Variants in TBXAS1 observed in about 807,000 individuals in gnomAD.
The protein encoded by TBXAS1 is thromboxane A synthase 1, also known as thromboxane-A synthase.
Under a neutral mutation model 60.7 loss-of-function variants are expected in TBXAS1, and 48 were observed. The observed-to-expected ratio is 0.79, with a 90% confidence interval of 0.63 to 1.01. The LOEUF (loss-of-function observed/expected upper bound fraction) is 1.01. TBXAS1 is among the 50% of genes least tolerant of loss of function. The pLI, the probability that TBXAS1 is intolerant of heterozygous loss-of-function variation, is 0.00. For synonymous variants in TBXAS1, 287 were observed against 269.7 expected (o/e 1.06, Z -0.63); for missense variants, 685 against 686.3 (o/e 1.00, Z 0.02).
chr7:139,817,905 C>T (rs1490554342), intron 4 of TBXAS1, among the ~76,000 whole-genome samples: 1 of 152,200 alleles, frequency 6.6e-6, no homozygotes. Flanking sequence ...AGTGGTGCCA[C>T]CTACCTTCAT....
intron 4 of TBXAS1, among the ~76,000 whole-genome samples, chr7:139,791,566 G>A (rs568734469): frequency 1.8e-4 from 27 of 152,202 alleles, no homozygotes; most frequent in Non-Finnish European, 3.2e-4. Context: ...TGGCCAAGGG[G>A]AAGTGTCCGT....
intron 9 of TBXAS1, among the ~76,000 whole-genome samples, chr7:139,992,820 CCT>C (rs1378551102): frequency 3.9e-5 from 6 of 152,208 alleles, no homozygotes; most frequent in African/African-American, 1.4e-4. Context: ...AAGGCATCTC[CCT>C]CTCAGAGTTA....
At position 139,936,315 on chromosome 7, in the gene TBXAS1, A is replaced by G. The variant is rs1471495211; in HGVS notation, c.450+8A>G. The G allele has an allele frequency of 1.2e-6, 2 of 1,613,272 alleles. No individual in the cohort carries two copies. The highest frequency in any genetic ancestry group is 1.7e-6 in the Non-Finnish European group (2 of 1,179,220). On this transcript the variant is annotated splice_region_variant and intron_variant, in intron 5 of 12. Coordinates refer to ENST00000448866, the MANE Select transcript of TBXAS1 (RefSeq NM_001061.7). Reference sequence around the variant, plus strand: ...CCTGAAAAGCTGAACGAGGTAAGACATGAGAAATGCAAACTCTCTTCTCTT... The same window carrying G: ...CCTGAAAAGCTGAACGAGGTAAGACGTGAGAAATGCAAACTCTCTTCTCTT...
chr7:139,882,420 T>C (rs1437455669), intron 3 of TBXAS1, among the ~76,000 whole-genome samples: 1 of 152,222 alleles, frequency 6.6e-6, no homozygotes, highest in East Asian at 1.9e-4. Context: ...TAAACTGGAC[T>C]GAGCTCAGTA....
At chr7:139,923,161 A>AATATATATATATATAT (rs147721420) in intron 4 of TBXAS1, among the ~76,000 whole-genome samples, 1 of 150,250 alleles carries the variant, frequency 6.7e-6, no homozygotes. Flanking sequence ...CTACTAAACA[A>AATATATATATATATAT]ATATATATAT....
At position 140,004,543 on chromosome 7, in the gene TBXAS1, T is replaced by C. The variant is rs1040287571; in HGVS notation, c.1135-2548T>C. Among the ~76,000 whole-genome samples, 1 of 152,176 alleles carries C rather than the reference T, an allele frequency of 6.6e-6. No homozygotes were observed. The highest frequency in any genetic ancestry group is 1.5e-5 in the Non-Finnish European group (1 of 68,024). Reference sequence around the variant, plus strand: ...CAAACACAAACCAAACTCATAAAGATTGGAAGCAGGAAGACAAGTTGCCTC... The same window carrying C: ...CAAACACAAACCAAACTCATAAAGACTGGAAGCAGGAAGACAAGTTGCCTC... On this transcript the variant is annotated intron_variant, in intron 9 of 12. Coordinates refer to ENST00000448866, the MANE Select transcript of TBXAS1 (RefSeq NM_001061.7). The surrounding 1 kb of genome is among the most constrained non-coding windows in gnomAD (Gnocchi z 5.1).
intron 1 of TBXAS1, among the ~76,000 whole-genome samples, chr7:139,842,393 G>C (rs1166501443): frequency 6.6e-6 from 1 of 152,146 alleles, no homozygotes; most frequent in East Asian, 1.9e-4. Flanking sequence ...ATGATTGAAT[G>C]AACTCTTCCC....
chr7:139,913,441 G>A (rs556454601), intron 4 of TBXAS1: 1 of 391,058 alleles, frequency 2.6e-6, no homozygotes, highest in Admixed American at 3.5e-5. Context: ...CATAGCACTT[G>A]AGACTGTCTG....
At chr7:139,933,205 A>G (rs1410654028) in intron 4 of TBXAS1, among the ~76,000 whole-genome samples, 1 of 152,226 alleles carries the variant, frequency 6.6e-6, no homozygotes, top group Non-Finnish European at 1.5e-5. Flanking sequence ...AAGATATGTG[A>G]AGGCCATGCT....
chr7:140,017,943 T>C, intron 12 of TBXAS1, 110 bp downstream of exon 12: 1 of 1,491,268 alleles, frequency 6.7e-7, no homozygotes, highest in African/African-American at 1.4e-5. Flanking sequence ...TCTGCCTCCG[T>C]GAGCTTGGGC....
chr7:139,979,708 A>G (rs1698986536), intron 9 of TBXAS1, among the ~76,000 whole-genome samples: 3 of 148,730 alleles, frequency 2.0e-5, no homozygotes, highest in African/African-American at 7.4e-5. Flanking sequence ...ATTCTGGGCA[A>G]CAGAGCAAGA....
chr7:139,859,551 T>C (rs1192682995), intron 1 of TBXAS1, among the ~76,000 whole-genome samples: 2 of 152,208 alleles, frequency 1.3e-5, no homozygotes, highest in Non-Finnish European at 2.9e-5. Context: ...TTTTCACTTA[T>C]GATCACGACA....
At chr7:139,791,315 G>A (rs1471821919) in intron 4 of TBXAS1, among the ~76,000 whole-genome samples, 1 of 152,220 alleles carries the variant, frequency 6.6e-6, no homozygotes, top group Non-Finnish European at 1.5e-5. Context: ...CAGGGACTTA[G>A]GCGTCCCCTA....
chr7:140,013,041 C>T lies in TBXAS1; in HGVS notation c.1227-2682C>T, dbSNP rs540788836. On this transcript the variant is annotated intron_variant, in intron 10 of 12. Transcript: ENST00000448866. The surrounding 1 kb of genome is among the most constrained non-coding windows in gnomAD (Gnocchi z 4.2). ...GGGCAAGATGAGTGAGCTGAGATCG[C>T]GCCACTGCACTCCAGCCTGGGCAAC... Among the ~76,000 whole-genome samples the T allele has an allele frequency of 2.7e-5, 4 of 149,706 alleles. No homozygotes were observed. Among genetic ancestry groups the T allele is most frequent in the Admixed American group, 6.7e-5 (1 of 14,980 alleles).
chr7:140,006,642 T>C (rs1814099964), intron 9 of TBXAS1, among the ~76,000 whole-genome samples: 2 of 152,232 alleles, frequency 1.3e-5, no homozygotes, highest in Admixed American at 1.3e-4. Context: ...GCTATTTCAC[T>C]ATTTGCCTTT....
chr7:139,842,675 A>AG (rs922920730), intron 1 of TBXAS1, among the ~76,000 whole-genome samples: 45 of 152,298 alleles, frequency 3.0e-4, no homozygotes, highest in Admixed American at 7.8e-4. Flanking sequence ...TGGATAGGGT[A>AG]GGGGGGTGTT....
Position 139,892,740 on chromosome 7 carries a change from T to C in TBXAS1, c.236+17103T>C, listed in dbSNP as rs2267687. Among the ~76,000 whole-genome samples the C allele has an allele frequency of 1.7e-3, 263 of 152,304 alleles. 7 individuals are homozygous for C. The East Asian group carries it at 0.043, about 25-fold the overall frequency. On this transcript the variant is annotated intron_variant, in intron 3 of 12. Transcript: ENST00000448866. ...CTGTCCAAGTATCAGGGATTCCAAC[T>C]GGGATTCCACTGCTCCTTGGTGTTC...
intron 1 of TBXAS1, among the ~76,000 whole-genome samples, chr7:139,856,091 C>A (rs915776399): frequency 6.6e-6 from 1 of 152,144 alleles, no homozygotes; most frequent in Non-Finnish European, 1.5e-5. Flanking sequence ...GTGCTAAGAT[C>A]CCCCAATGAG....
chr7:139,938,352 C>G (rs1807979955), intron 5 of TBXAS1, among the ~76,000 whole-genome samples: 1 of 152,104 alleles, frequency 6.6e-6, no homozygotes, highest in African/African-American at 2.4e-5. Context: ...TGGGATGCAG[C>G]CTGGGTTTGA....
Sources: gnomAD v4.1 joint callset for allele counts (sites outside exome capture counted in the v4.1 genomes callset) on GRCh38, gnomAD v4.1.1 for gene constraint, Gnocchi (gnomAD v3.1) non-coding constraint, MANE v1.5 for transcripts, NCBI Gene and HGNC (gene_info 2026-07-23, HGNC 2026-07-21) for gene names.